Variants in ATP8A2 observed in about 807,000 individuals in gnomAD.
ATP8A2 encodes the protein ATPase phospholipid transporting 8A2, also known as phospholipid-transporting ATPase IB.
In ATP8A2, 100 loss-of-function variants were observed where a neutral mutation model predicts 165.6. That is an observed-to-expected ratio of 0.60 (90% CI 0.51 to 0.71). The LOEUF (loss-of-function observed/expected upper bound fraction) is 0.71. Ranked by LOEUF, ATP8A2 falls within the 30% of genes least tolerant of loss-of-function variation. The pLI is 0.00. For synonymous variants in ATP8A2, 543 were observed against 548.8 expected, an observed-to-expected ratio of 0.99 and a Z score of 0.15; for missense variants, 1,227 against 1,479.5, an observed-to-expected ratio of 0.83 and a Z score of 2.80.
intron 34 of ATP8A2, among the ~76,000 whole-genome samples, chr13:25,966,342 G>A (rs990474788): frequency 1.3e-5 from 2 of 152,244 alleles, no homozygotes; most frequent in Non-Finnish European, 2.9e-5. Context: ...TGACATGCCA[G>A]TGGCTAATGC....
intron 1 of ATP8A2, among the ~76,000 whole-genome samples, chr13:25,373,020 C>T (rs2032482750): frequency 6.6e-6 from 1 of 152,172 alleles, no homozygotes; most frequent in Non-Finnish European, 1.5e-5. Context: ...TGTTAGAGGC[C>T]CGCGTTCTAT....
chr13:25,980,635 A>G (rs947378734), intron 35 of ATP8A2, among the ~76,000 whole-genome samples: 1 of 152,192 alleles, frequency 6.6e-6, no homozygotes, highest in Non-Finnish European at 1.5e-5. Context: ...AGGGACATAC[A>G]TGACACAAAT....
At chr13:25,467,931 A>T (rs1418261518) in intron 1 of ATP8A2, among the ~76,000 whole-genome samples, 2 of 152,198 alleles carry the variant, frequency 1.3e-5, no homozygotes, top group African/African-American at 4.8e-5. Flanking sequence ...GGGCGAATGT[A>T]TATTTAAGAA....
chr13:25,907,553 C>G (rs186973984), intron 33 of ATP8A2, among the ~76,000 whole-genome samples: 79 of 152,218 alleles, frequency 5.2e-4, no homozygotes, highest in African/African-American at 1.8e-3. Flanking sequence ...CTGAGCCACT[C>G]AACAACCATT....
chr13:25,372,109 A>G lies in ATP8A2; in HGVS notation c.-104A>G. The G allele has an allele frequency of 1.3e-6, 1 of 765,452 alleles. No homozygotes were observed. Among genetic ancestry groups the G allele is most frequent in the African/African-American group, 1.8e-5 (1 of 54,148 alleles). The allele number at this position is 765,452 out of a possible 1,614,324, so 47.4% of individuals were successfully genotyped here. On this transcript the variant is annotated 5_prime_UTR_variant, in exon 1 of 37. Coordinates refer to ENST00000381655, the MANE Select transcript of ATP8A2 (RefSeq NM_016529.6). This position sits in a 1 kb window ranked among gnomAD's most constrained non-coding sequence, Gnocchi z 4.8. Reference sequence around the variant, plus strand: ...GTCCCCGCCAGCTAGCAGCCCGGCGAGGCGCTGGCCCACCCATGGTCCTCG... The same window carrying G: ...GTCCCCGCCAGCTAGCAGCCCGGCGGGGCGCTGGCCCACCCATGGTCCTCG...
At chr13:25,503,329 G>A (rs2036916882) in intron 2 of ATP8A2, among the ~76,000 whole-genome samples, 1 of 152,166 alleles carries the variant, frequency 6.6e-6, no homozygotes, top group Admixed American at 6.5e-5. Flanking sequence ...TTAGAGAGCC[G>A]AATGAAAAGG....
intron 33 of ATP8A2, among the ~76,000 whole-genome samples, chr13:25,934,088 G>T (rs550047245): frequency 6.6e-6 from 1 of 152,346 alleles, no homozygotes; most frequent in African/African-American, 2.4e-5. Flanking sequence ...TTTACCTGAT[G>T]CTAACTTAAG....
chr13:25,659,426 C>T (rs1338854698), intron 24 of ATP8A2, among the ~76,000 whole-genome samples: 1 of 152,176 alleles, frequency 6.6e-6, no homozygotes, highest in Non-Finnish European at 1.5e-5. Context: ...GGTTGTCTGT[C>T]TGAGCTGGGG....
At chr13:25,628,909 A>T (rs555642106) in intron 24 of ATP8A2, among the ~76,000 whole-genome samples, 1 of 152,174 alleles carries the variant, frequency 6.6e-6, no homozygotes, top group Admixed American at 6.6e-5. Context: ...TATTTAACCC[A>T]TAACATTGCC....
intron 2 of ATP8A2, among the ~76,000 whole-genome samples, chr13:25,477,918 C>T (rs1004635919): frequency 8.5e-5 from 13 of 152,162 alleles, no homozygotes; most frequent in Middle Eastern, 3.4e-3. Context: ...GCCTGGGTGA[C>T]GAGAGTGAAA....
intron 2 of ATP8A2, among the ~76,000 whole-genome samples, chr13:25,528,649 C>G (rs1416422740): frequency 1.3e-5 from 2 of 152,090 alleles, no homozygotes; most frequent in Non-Finnish European, 2.9e-5. Context: ...AATTAAAAAC[C>G]TGCTAGATAA....
At chr13:25,725,772 G>C (rs2043480392) in intron 25 of ATP8A2, among the ~76,000 whole-genome samples, 1 of 152,034 alleles carries the variant, frequency 6.6e-6, no homozygotes, top group Admixed American at 6.5e-5. Flanking sequence ...TTTCTTTTTT[G>C]TCTTATAGAT....
intron 30 of ATP8A2, among the ~76,000 whole-genome samples, chr13:25,855,245 C>A (rs1386670942): frequency 8.2e-4 from 118 of 143,468 alleles, no homozygotes; most frequent in Non-Finnish European, 2.3e-4. Context: ...AGTAAGACTC[C>A]ATCTCAAAAA....
chr13:25,538,083 C>CT lies in ATP8A2; in HGVS notation c.581+28dup, dbSNP rs755980986. The CT allele has an allele frequency of 3.1e-5, 50 of 1,593,666 alleles. 1 individual carries two copies. The South Asian group carries it at 4.5e-4, about 14-fold the overall frequency. ...CCAGGTTAGCTGTGCTAGTAGGCAC[C>CT]TTTTTTGCAATAAATGTTAAGAACA... is the stretch of plus-strand genomic sequence containing the variant. On this transcript the variant is annotated intron_variant, in intron 7 of 36. Coordinates refer to ENST00000381655, the MANE Select transcript of ATP8A2 (RefSeq NM_016529.6).
intron 25 of ATP8A2, among the ~76,000 whole-genome samples, chr13:25,736,917 C>T (rs992095260): frequency 8.5e-5 from 13 of 152,048 alleles, no homozygotes; most frequent in African/African-American, 1.4e-4. Flanking sequence ...AGATAACTAT[C>T]GATTGGGGAA....
chr13:25,465,734 TCTTTCCCTCCCTCCCTCTCTC>T lies in ATP8A2; in HGVS notation c.77-3242_77-3222del, dbSNP rs1566153545. 2.0e-3 allele frequency among the ~76,000 whole-genome samples: 105 copies of T among 51,804 alleles called. 1 individual carries two copies. Among genetic ancestry groups the T allele is most frequent in the Middle Eastern group, 0.013 (2 of 150 alleles). The allele number at this position is 51,804 out of a possible 152,430, so 34.0% of individuals were successfully genotyped here. ...TTCTTTCTTTCTTTCTTTCTTTCTT[TCTTTCCCTCCCTCCCTCTCTC>T]TCTCTCTTTCTCTCTTTCTCTCTTT... On this transcript the variant is annotated intron_variant, in intron 1 of 36. Transcript: ENST00000381655.
In ATP8A2 at chr13:25,879,957, G is replaced by A. The variant is rs150849138; in HGVS notation, c.3183+17549G>A. On this transcript the variant is annotated intron_variant, in intron 33 of 36. Transcript: ENST00000381655. The stretch of plus-strand genomic sequence containing the variant: ...TTTTGAAAATTCAGTAATGCACACA[G>A]ACAAAGCAAGAGTTTTTCCCGTGAG... 3.1e-3 allele frequency among the ~76,000 whole-genome samples: 466 copies of A among 152,272 alleles called. 2 individuals are homozygous for A. Among genetic ancestry groups the A allele is most frequent in the East Asian group, 0.017 (90 of 5,182 alleles).
chr13:25,608,031 AGAAACG>A (rs2040563061), intron 24 of ATP8A2, among the ~76,000 whole-genome samples: 1 of 152,234 alleles, frequency 6.6e-6, no homozygotes, highest in Non-Finnish European at 1.5e-5. Context: ...AGGACAAAGG[AGAAACG>A]GATTGAATTA....
intron 1 of ATP8A2, among the ~76,000 whole-genome samples, chr13:25,454,917 G>A (rs949893598): frequency 3.9e-5 from 6 of 152,080 alleles, no homozygotes; most frequent in African/African-American, 1.2e-4. Context: ...GTGAGACTCC[G>A]TCTCAAAAAA....
Sources: allele counts gnomAD v4.1 joint callset (sites outside exome capture counted in the v4.1 genomes callset), GRCh38; gene constraint gnomAD v4.1.1; non-coding constraint Gnocchi (gnomAD v3.1); transcripts MANE v1.5; gene names NCBI Gene and HGNC (gene_info 2026-07-23, HGNC 2026-07-21).